Variants in NEGR1 observed in about 807,000 individuals in gnomAD.
The protein encoded by NEGR1 is IgLON family member 4.
Under a neutral mutation model 40.9 loss-of-function variants are expected in NEGR1, and 10 were observed. The observed-to-expected ratio is 0.24, with a 90% confidence interval of 0.15 to 0.42. The LOEUF (loss-of-function observed/expected upper bound fraction) is 0.42, where lower values mean the gene tolerates loss of function less well. Ranked by LOEUF, NEGR1 falls within the 10% of genes least tolerant of loss-of-function variation. The probability of loss-of-function intolerance (pLI) is 1.00; values close to 1 mark genes in which losing one functional copy is unlikely to be tolerated. For missense variants in NEGR1, 352 were observed against 438.9 expected (o/e 0.80, Z 1.77); for synonymous variants, 185 against 166.8 (o/e 1.11, Z -0.84).
intron 6 of NEGR1, among the ~76,000 whole-genome samples, chr1:71,587,543 G>A (rs979095008): frequency 6.6e-6 from 1 of 152,104 alleles, no homozygotes; most frequent in Non-Finnish European, 1.5e-5. Context: ...CCACAAGGCT[G>A]CTAAGGCAGG....
chr1:72,068,435 C>T (rs1284336387), intron 1 of NEGR1, among the ~76,000 whole-genome samples: 1 of 152,158 alleles, frequency 6.6e-6, no homozygotes, highest in Non-Finnish European at 1.5e-5. Context: ...ATGACCATTT[C>T]CTCTGACTAC....
At chr1:71,844,691 G>C (rs886486881) in intron 2 of NEGR1, among the ~76,000 whole-genome samples, 2 of 152,144 alleles carry the variant, frequency 1.3e-5, no homozygotes, top group South Asian at 2.1e-4. Context: ...TACGCCTCAG[G>C]CTTGATAAGA....
At position 71,401,534 on chromosome 1, in the gene NEGR1, A is replaced by T. The variant is rs1006416033; in HGVS notation, c.*5912T>A. On this transcript the variant is annotated 3_prime_UTR_variant, in exon 7 of 7. Coordinates refer to ENST00000357731, the MANE Select transcript of NEGR1 (RefSeq NM_173808.3). ...TACAAATGTATTTCTTAGGTTGCAT[A>T]TCATTTAATTTCTAGAATTAGAATC... The T allele has an allele frequency of 6.6e-6, 1 of 152,228 alleles. No homozygotes were observed. The highest frequency in any genetic ancestry group is 1.5e-5 in the Non-Finnish European group (1 of 68,038). The allele number at this position is 152,228 out of a possible 1,614,324, so 9.4% of individuals were successfully genotyped here.
Position 72,066,093 on chromosome 1 carries a change from T to C in NEGR1, c.177-130782A>G, listed in dbSNP as rs181017850. On this transcript the variant is annotated intron_variant, in intron 1 of 6. Transcript: ENST00000357731. ...TAGACTCAATAATAAAAGTAGTTAA[T>C]AACTTACAAGGCATTTACTAGTTGC... Among the ~76,000 whole-genome samples the C allele has an allele frequency of 1.3e-4, 20 of 152,268 alleles. 1 individual carries two copies. In the South Asian group the frequency reaches 3.1e-3, roughly 24 times the overall value.
At chr1:72,002,774 T>G (rs1004093270) in intron 1 of NEGR1, among the ~76,000 whole-genome samples, 8 of 152,272 alleles carry the variant, frequency 5.3e-5, no homozygotes, top group Non-Finnish European at 1.0e-4. Context: ...AAAAATGCAA[T>G]TCATTAATTA....
intron 4 of NEGR1, among the ~76,000 whole-genome samples, chr1:71,688,309 C>CATATATATATATAT (rs373700339): frequency 0.027 from 1,122 of 41,072 alleles, 75 homozygotes; most frequent in Non-Finnish European, 0.029. Context: ...TTTCCCTTTT[C>CATATATATATATAT]ATATATATAT....
At chr1:71,784,143 C>CAGCT (rs1401322752) in intron 2 of NEGR1, among the ~76,000 whole-genome samples, 3 of 152,068 alleles carry the variant, frequency 2.0e-5, no homozygotes, top group Admixed American at 6.6e-5. Flanking sequence ...TTCCCACACC[C>CAGCT]AGCTAATCAT....
chr1:72,217,035 T>A (rs12725081), intron 1 of NEGR1, among the ~76,000 whole-genome samples: 18,499 of 151,618 alleles, frequency 0.12, 1,593 homozygotes, highest in Non-Finnish European at 0.19. Flanking sequence ...CTGTAAGGTT[T>A]CAACTATATC....
chr1:71,519,701 C>T (rs1470900730), intron 6 of NEGR1, among the ~76,000 whole-genome samples: 1 of 125,228 alleles, frequency 8.0e-6, no homozygotes, highest in African/African-American at 3.2e-5. Context: ...GCACAATGTG[C>T]ACATGTACCC....
intron 3 of NEGR1, among the ~76,000 whole-genome samples, chr1:71,751,675 C>T (rs1655574985): frequency 6.6e-6 from 1 of 151,712 alleles, no homozygotes; most frequent in Admixed American, 6.6e-5. Context: ...TGGAAGCCCA[C>T]AGGCCTCCCA....
intron 3 of NEGR1, among the ~76,000 whole-genome samples, chr1:71,708,117 A>T (rs1042178601): frequency 2.6e-5 from 4 of 152,096 alleles, no homozygotes; most frequent in African/African-American, 9.7e-5. Context: ...CATCTACTAG[A>T]ATCAACATCA....
intron 1 of NEGR1, among the ~76,000 whole-genome samples, chr1:72,131,050 A>G (rs74087156): frequency 0.012 from 1,902 of 152,296 alleles, 44 homozygotes; most frequent in African/African-American, 0.043. Flanking sequence ...TTGTAAGGTC[A>G]TATTTATATC....
At chr1:72,256,193 T>C (rs1332198493) in intron 1 of NEGR1, among the ~76,000 whole-genome samples, 4 of 152,220 alleles carry the variant, frequency 2.6e-5, no homozygotes, top group African/African-American at 7.2e-5. Flanking sequence ...GCATTGCACA[T>C]ACTGAATAGA....
intron 1 of NEGR1, among the ~76,000 whole-genome samples, chr1:72,072,161 T>C (rs1647491987): frequency 6.6e-6 from 1 of 152,170 alleles, no homozygotes; most frequent in Non-Finnish European, 1.5e-5. Context: ...GGATCCCTAA[T>C]ATAACAGTCT....
At chr1:71,835,034 G>C (rs1463084193) in intron 2 of NEGR1, among the ~76,000 whole-genome samples, 1 of 152,082 alleles carries the variant, frequency 6.6e-6, no homozygotes, top group East Asian at 1.9e-4. Flanking sequence ...ATTACAGCTA[G>C]GCTTTTTTCC....
chr1:71,832,147 G>A (rs1359533985), intron 2 of NEGR1, among the ~76,000 whole-genome samples: 1 of 151,930 alleles, frequency 6.6e-6, no homozygotes, highest in East Asian at 1.9e-4. Flanking sequence ...GAAGCTGAAA[G>A]ACAGTTCAAA....
intron 1 of NEGR1, among the ~76,000 whole-genome samples, chr1:72,250,497 T>C (rs1452628219): frequency 6.6e-6 from 1 of 152,220 alleles, no homozygotes; most frequent in Non-Finnish European, 1.5e-5. Flanking sequence ...ATGAAATAGT[T>C]ATTGCCTTCA....
chr1:72,222,376 C>A (rs192789026), intron 1 of NEGR1, among the ~76,000 whole-genome samples: 1 of 152,036 alleles, frequency 6.6e-6, no homozygotes, highest in East Asian at 1.9e-4. Flanking sequence ...AGGGCTTTCC[C>A]AAACAAGCCA....
At chr1:72,241,125 G>A (rs369889523) in intron 1 of NEGR1, among the ~76,000 whole-genome samples, 5 of 151,562 alleles carry the variant, frequency 3.3e-5, no homozygotes, top group East Asian at 1.9e-4. Context: ...AATTTTTATC[G>A]CTAATGTCAT....
Sources: gnomAD v4.1 joint callset for allele counts (sites outside exome capture counted in the v4.1 genomes callset) on GRCh38, gnomAD v4.1.1 for gene constraint, MANE v1.5 for transcripts, NCBI Gene and HGNC (gene_info 2026-07-23, HGNC 2026-07-21) for gene names.